The following TERF1 variants were observed in gnomAD, a reference collection of about 807,000 sequenced individuals.
The protein encoded by TERF1 is telomeric repeat-binding factor 1.
Under a neutral mutation model 55.1 loss-of-function variants are expected in TERF1, and 20 were observed. That is an observed-to-expected ratio of 0.36 (90% CI 0.26 to 0.53). TERF1 has a LOEUF of 0.53. Ranked by LOEUF, TERF1 falls within the 20% of genes least tolerant of loss-of-function variation. The probability of loss-of-function intolerance (pLI) is 0.91; values close to 1 mark genes in which losing one functional copy is unlikely to be tolerated. For missense variants in TERF1, 439 were observed against 535.7 expected, an observed-to-expected ratio of 0.82 and a Z score of 1.78; for synonymous variants, 168 against 181.2, an observed-to-expected ratio of 0.93 and a Z score of 0.59.
At chr8:73,030,230 A>G (rs968357442) in intron 6 of TERF1, 106 bp from the exon 7 acceptor site, 2 of 719,702 alleles carry the variant, frequency 2.8e-6, no homozygotes, top group Non-Finnish European at 4.4e-6. Flanking sequence ...TTCTTTCCAA[A>G]GTTATTTTTT....
At chr8:73,035,855 C>T (rs1809485730) in intron 8 of TERF1, among the ~76,000 whole-genome samples, 1 of 152,096 alleles carries the variant, frequency 6.6e-6, no homozygotes, top group African/African-American at 2.4e-5. Context: ...TATTGTTTTT[C>T]AAGAGTATCT....
At chr8:73,026,640 T>TA (rs1054826053) in intron 5 of TERF1, among the ~76,000 whole-genome samples, 12 of 56,606 alleles carry the variant, frequency 2.1e-4, no homozygotes, top group Admixed American at 1.3e-3. Flanking sequence ...AATTTTTATT[T>TA]TTTTTTTTTT....
At chr8:73,025,002 T>C (rs1808919392) in intron 5 of TERF1, 31 bp downstream of exon 5, 2 of 1,339,400 alleles carry the variant, frequency 1.5e-6, no homozygotes, top group Non-Finnish European at 2.0e-6. Flanking sequence ...TGACTAATAA[T>C]AGACTTAAAG....
Position 73,032,149 on chromosome 8 carries a change from A to G in TERF1, c.1039+16A>G. 1.3e-6 allele frequency: 2 copies of G among 1,574,832 alleles called. No individual in the cohort carries two copies. The highest frequency in any genetic ancestry group is 1.7e-6 in the Non-Finnish European group (2 of 1,153,726). On this transcript the variant is annotated intron_variant, in intron 8 of 9. Transcript: ENST00000276603. ...ACTCCTCAAAGTGAGTACTGTTATA[A>G]CAGTTTTAGAAGGGGAGAATTGATG...
At chr8:73,026,361 C>T (rs1192154813) in intron 5 of TERF1, among the ~76,000 whole-genome samples, 2 of 151,842 alleles carry the variant, frequency 1.3e-5, no homozygotes, top group African/African-American at 4.8e-5. Flanking sequence ...TTTAGCCAGG[C>T]ATAGTGGCGC....
intron 7 of TERF1, chr8:73,031,695 A>G (rs1809293395): frequency 6.2e-6 from 1 of 161,296 alleles, no homozygotes; most frequent in Admixed American, 6.4e-5. Context: ...AAGCCATAAG[A>G]GAGAATGAAA....
chr8:73,039,255 G>A (rs763764800), intron 9 of TERF1, 36 bp downstream of exon 9: 3 of 1,369,692 alleles, frequency 2.2e-6, no homozygotes, highest in South Asian at 1.3e-5. Flanking sequence ...AACGCTTATG[G>A]ACATTAAAGT....
chr8:73,013,232 A>G (rs1808352279), intron 1 of TERF1, among the ~76,000 whole-genome samples: 1 of 152,204 alleles, frequency 6.6e-6, no homozygotes, highest in African/African-American at 2.4e-5. Context: ...ATTTCCTCAG[A>G]GAAGCCTTCC....
At chr8:73,031,996 T>A in intron 7 of TERF1, 46 bp from the exon 8 acceptor site, 2 of 1,342,364 alleles carry the variant, frequency 1.5e-6, no homozygotes, top group Non-Finnish European at 2.1e-6. Flanking sequence ...TCCATTGCCT[T>A]ACTATCTTTC....
rs542018813 is a variant in TERF1, at chr8:73,009,400, T to C, written c.319+195T>C. ...TGTCAGCACCTGAGTTTTTCTCAGATTGATTTCCTCTTCGATAAAATGAAA... is the reference window on the plus strand; with the variant it reads ...TGTCAGCACCTGAGTTTTTCTCAGACTGATTTCCTCTTCGATAAAATGAAA... On this transcript the variant is annotated intron_variant, in intron 1 of 9. Transcript: ENST00000276603. 4.1e-4 allele frequency: 239 copies of C among 581,286 alleles called. 4 individuals are homozygous for C. The South Asian group carries it at 5.0e-3, about 12-fold the overall frequency. 36.0% of individuals were successfully genotyped at this position (581,286 alleles called of 1,614,324 possible).
At chr8:73,018,167 A>T (rs929498470) in intron 2 of TERF1, among the ~76,000 whole-genome samples, 2 of 152,096 alleles carry the variant, frequency 1.3e-5, no homozygotes, top group Non-Finnish European at 2.9e-5. Context: ...AAGGTCAGGA[A>T]CTTTTTTTTT....
intron 2 of TERF1, among the ~76,000 whole-genome samples, chr8:73,019,238 A>T (rs1808648816): frequency 6.6e-6 from 1 of 152,148 alleles, no homozygotes; most frequent in Non-Finnish European, 1.5e-5. Context: ...GGTAGTCTAG[A>T]TAAAATGAAA....
chr8:73,013,771 A>G lies in TERF1; in HGVS notation c.320-124A>G, dbSNP rs183252937. On this transcript the variant is annotated intron_variant, in intron 1 of 9. Coordinates refer to ENST00000276603, the MANE Select transcript of TERF1 (RefSeq NM_017489.3). ...GTTCTGAATTTTAATCAGATCTTAA[A>G]TGTACAACTCTAAATTTATGATAAT... is the stretch of plus-strand genomic sequence containing the variant. 177 of 612,452 alleles carry G rather than the reference A, an allele frequency of 2.9e-4. 1 individual carries two copies. Among genetic ancestry groups the G allele is most frequent in the Middle Eastern group, 8.0e-4 (3 of 3,736 alleles). The allele number at this position is 612,452 out of a possible 1,614,324, so 37.9% of individuals were successfully genotyped here. A position where few individuals can be genotyped will look rare whatever the true frequency, so the allele number is the denominator to read the frequency against.
rs758401635 is a variant in TERF1, at chr8:73,046,062, G to A, written c.1245G>A (p.Arg415=). 6.2e-7 allele frequency: 1 copy of A among 1,610,932 alleles called. No individual in the cohort carries two copies. Among genetic ancestry groups the A allele is most frequent in the Non-Finnish European group, 8.5e-7 (1 of 1,178,822 alleles). Residue 415 remains arginine, a synonymous_variant, in exon 10 of 10, where the codon CGG becomes CGA. Coordinates refer to ENST00000276603, the MANE Select transcript of TERF1 (RefSeq NM_017489.3). ...KILLHYKFNN[R]TSVMLKDRWR... ...TGTTGCATTATAAATTCAACAACCG[G>A]ACAAGTGTCATGTTAAAAGACAGAT...
Position 73,012,932 on chromosome 8 carries a change from G to T in TERF1, c.320-963G>T, listed in dbSNP as rs55999649. 653 of 456,050 alleles carry T rather than the reference G, an allele frequency of 1.4e-3. 1 individual carries two copies. The highest frequency in any genetic ancestry group is 9.2e-3 in the African/African-American group (464 of 50,170). The allele number at this position is 456,050 out of a possible 1,614,324, so 28.3% of individuals were successfully genotyped here. On this transcript the variant is annotated intron_variant, in intron 1 of 9. Transcript: ENST00000276603. ...AACACAGGCTGGCAGTAGATGTTCA[G>T]TAAATATTGAATGGCTTGTGTTTAA...
intron 6 of TERF1, among the ~76,000 whole-genome samples, chr8:73,029,007 C>G (rs1809158479): frequency 6.6e-6 from 1 of 152,046 alleles, no homozygotes; most frequent in Non-Finnish European, 1.5e-5. Context: ...AAACTAAAAC[C>G]AGAAACAGGG....
At chr8:73,030,659 T>C (rs936102794) in intron 7 of TERF1, 1 of 301,480 alleles carries the variant, frequency 3.3e-6, no homozygotes, top group Non-Finnish European at 6.0e-6. Flanking sequence ...TTAAAACAGA[T>C]GTTTAGTAAA....
chr8:73,027,051 A>C lies in TERF1; in HGVS notation c.886A>C (p.Ser296Arg). Residue 296 changes from serine (S) to arginine (R), a missense_variant and splice_region_variant, in exon 6 of 10, where the codon AGT becomes CGT. Ser to Arg is a moderately radical substitution (Grantham distance 110, BLOSUM62 -1). This residue lies in a region of TERF1 where 140 missense variants were observed against 158.6 expected (regional missense o/e 0.88). Transcript: ENST00000276603. The stretch of plus-strand genomic sequence containing the variant: ...TGAAGCTAATTTGGATACAAGAAAA[A>C]GGTTTGTAATTTAATCAATTTGTAT... ...ETEANLDTRK[S>R]VSDKQSAVTE... 6.2e-7 allele frequency: 1 copy of C among 1,601,250 alleles called. No homozygotes were observed. The highest frequency in any genetic ancestry group is 8.5e-7 in the Non-Finnish European group (1 of 1,172,872).
chr8:73,038,854 A>G (rs958014471), intron 8 of TERF1: 1 of 636,474 alleles, frequency 1.6e-6, no homozygotes, highest in Middle Eastern at 6.4e-4. Context: ...TTAAACAGAT[A>G]ATGGAAAGAC....
Sources: gnomAD v4.1 joint callset for allele counts (sites outside exome capture counted in the v4.1 genomes callset) on GRCh38, gnomAD v4.1.1 for gene constraint, gnomAD v4.1.1 regional missense constraint, MANE v1.5 for transcripts, NCBI Gene and HGNC (gene_info 2026-07-23, HGNC 2026-07-21) for gene names.